CPA6: variants seen among roughly 807,000 people sequenced by gnomAD.
CPA6 encodes the protein carboxypeptidase B.
In CPA6, 58 loss-of-function variants were observed where a neutral mutation model predicts 63.3. The observed-to-expected ratio is 0.92, with a 90% CI of 0.74 to 1.14. The LOEUF (loss-of-function observed/expected upper bound fraction) is 1.14. CPA6 is among the 50% of genes most tolerant of loss of function. The pLI, the probability that CPA6 is intolerant of heterozygous loss-of-function variation, is 0.00. For synonymous variants in CPA6, 185 were observed against 179.0 expected (o/e 1.03, Z -0.27); for missense variants, 565 against 526.6 (o/e 1.07, Z -0.71).
At chr8:67,497,014 C>T (rs112282199) in intron 6 of CPA6, among the ~76,000 whole-genome samples, 442 of 152,190 alleles carry the variant, frequency 2.9e-3, no homozygotes, top group African/African-American at 0.01. Flanking sequence ...TCAGGTAATA[C>T]GTAATATTTT....
chr8:67,616,501 ATGTGTGTGTGTGTGTGTGTGTGTGTGTG>A (rs4009134), intron 2 of CPA6, among the ~76,000 whole-genome samples: 7 of 126,952 alleles, frequency 5.5e-5, no homozygotes, highest in Non-Finnish European at 1.2e-4. Context: ...GGCAAATTGA[ATGTGTGTGTGTGTGTGTGTGTGTGTGTG>A]TGTGTGTGTG....
chr8:67,520,667 T>C (rs1222474174), intron 2 of CPA6, among the ~76,000 whole-genome samples: 1 of 152,168 alleles, frequency 6.6e-6, no homozygotes, highest in African/African-American at 2.4e-5. Context: ...AATAACACTT[T>C]GAGGAGGAAT....
chr8:67,712,917 A>G lies in CPA6; in HGVS notation c.116+33097T>C, dbSNP rs530655405. On this transcript the variant is annotated intron_variant, in intron 1 of 10. Transcript: ENST00000297770. ...CCCTCTTGGTTATTAGGTCCACTGT[A>G]TTACAGTCCTTGGGTTCCAGGAACC... Among the ~76,000 whole-genome samples, 11 of 151,800 alleles carry G rather than the reference A, an allele frequency of 7.2e-5. No individual in the cohort carries two copies. The East Asian group carries it at 1.6e-3, about 21-fold the overall frequency.
intron 1 of CPA6, among the ~76,000 whole-genome samples, chr8:67,644,623 A>C (rs1188798325): frequency 6.6e-6 from 1 of 152,198 alleles, no homozygotes; most frequent in Non-Finnish European, 1.5e-5. Context: ...GTGCACCGGA[A>C]CTTGAAGAGG....
At chr8:67,738,104 A>T (rs970651536) in intron 1 of CPA6, among the ~76,000 whole-genome samples, 2 of 152,206 alleles carry the variant, frequency 1.3e-5, no homozygotes, top group Non-Finnish European at 2.9e-5. Flanking sequence ...TCAAAAAAAA[A>T]CAAGTGAAAG....
In CPA6 at chr8:67,657,401, C is replaced by T. The variant is rs182209710; in HGVS notation, c.117-33150G>A. 3.6e-4 allele frequency among the ~76,000 whole-genome samples: 55 copies of T among 152,284 alleles called. 1 individual carries two copies. Among genetic ancestry groups the T allele is most frequent in the Admixed American group, 3.3e-3 (51 of 15,290 alleles). ...TAACTAGGACAAAGAAGTAAACACA[C>T]AAACCAACAAATATCTGTGTTATAA... On this transcript the variant is annotated intron_variant, in intron 1 of 10. Coordinates refer to ENST00000297770, the MANE Select transcript of CPA6 (RefSeq NM_020361.5).
intron 1 of CPA6, among the ~76,000 whole-genome samples, chr8:67,670,104 A>C (rs1453116603): frequency 1.3e-5 from 2 of 152,234 alleles, no homozygotes; most frequent in Non-Finnish European, 2.9e-5. Flanking sequence ...TAAGATGTAG[A>C]ATACATGCCT....
intron 2 of CPA6, among the ~76,000 whole-genome samples, chr8:67,519,540 T>C (rs956403045): frequency 2.6e-5 from 4 of 152,232 alleles, no homozygotes; most frequent in African/African-American, 7.2e-5. Flanking sequence ...CTTCTAATGA[T>C]ACAATTTAGC....
intron 1 of CPA6, among the ~76,000 whole-genome samples, chr8:67,729,030 G>C (rs1317984475): frequency 6.6e-6 from 1 of 152,184 alleles, no homozygotes; most frequent in Non-Finnish European, 1.5e-5. Flanking sequence ...ATAGCTAGTA[G>C]CAGATCTCGA....
chr8:67,587,648 A>T (rs1352995125), intron 2 of CPA6, among the ~76,000 whole-genome samples: 1 of 152,128 alleles, frequency 6.6e-6, no homozygotes, highest in East Asian at 1.9e-4. Flanking sequence ...TGGCCAGGCC[A>T]GATTTATGAG....
At chr8:67,491,355 T>C (rs1811602355) in intron 6 of CPA6, among the ~76,000 whole-genome samples, 1 of 150,890 alleles carries the variant, frequency 6.6e-6, no homozygotes, top group African/African-American at 2.4e-5. Context: ...AAAGGCTTCA[T>C]AAATGAAGGG....
chr8:67,485,374 A>G (rs1355949915), intron 6 of CPA6, among the ~76,000 whole-genome samples: 1 of 152,118 alleles, frequency 6.6e-6, no homozygotes, highest in Non-Finnish European at 1.5e-5. Flanking sequence ...GGTAATCCCT[A>G]TCCTAAGTTT....
intron 2 of CPA6, among the ~76,000 whole-genome samples, chr8:67,563,930 G>T (rs1813275146): frequency 6.6e-6 from 1 of 152,110 alleles, no homozygotes; most frequent in South Asian, 2.1e-4. Context: ...ATATTTTGGG[G>T]TACGTGTAGC....
chr8:67,603,254 A>T (rs554240283), intron 2 of CPA6, among the ~76,000 whole-genome samples: 2 of 152,144 alleles, frequency 1.3e-5, no homozygotes, highest in South Asian at 2.1e-4. Flanking sequence ...AGTAACATAC[A>T]TGTATTCTTT....
intron 2 of CPA6, among the ~76,000 whole-genome samples, chr8:67,586,421 G>A (rs566741266): frequency 5.9e-4 from 90 of 152,232 alleles, no homozygotes; most frequent in Non-Finnish European, 2.5e-4. Flanking sequence ...CAGCTCTTGG[G>A]TAGTAAGTAT....
At chr8:67,730,504 C>T (rs906206796) in intron 1 of CPA6, among the ~76,000 whole-genome samples, 1 of 152,098 alleles carries the variant, frequency 6.6e-6, no homozygotes, top group African/African-American at 2.4e-5. Flanking sequence ...AAATCATTGA[C>T]CACTGGTGAT....
chr8:67,720,706 G>A (rs1008860054), intron 1 of CPA6, among the ~76,000 whole-genome samples: 2 of 152,186 alleles, frequency 1.3e-5, no homozygotes, highest in Admixed American at 1.3e-4. Context: ...AGGCCCTTGG[G>A]TAATTTTATA....
At chr8:67,535,185 A>G (rs923277693) in intron 2 of CPA6, among the ~76,000 whole-genome samples, 1 of 152,108 alleles carries the variant, frequency 6.6e-6, no homozygotes, top group Non-Finnish European at 1.5e-5. Context: ...ATGTGTCTTT[A>G]TAGTAGAATG....
intron 2 of CPA6, among the ~76,000 whole-genome samples, chr8:67,601,762 T>G (rs1814502376): frequency 6.6e-6 from 1 of 152,212 alleles, no homozygotes; most frequent in Non-Finnish European, 1.5e-5. Context: ...ATAGGAATTT[T>G]CATACATTTC....
Sources: gnomAD v4.1 joint callset for allele counts (sites outside exome capture counted in the v4.1 genomes callset) on GRCh38, gnomAD v4.1.1 for gene constraint, MANE v1.5 for transcripts, NCBI Gene and HGNC (gene_info 2026-07-23, HGNC 2026-07-21) for gene names.